The following SCFD2 variants were observed in gnomAD, a reference collection of about 807,000 sequenced individuals.
SCFD2 encodes the protein sec1 family domain-containing protein 2.
In SCFD2, 54 loss-of-function variants were observed where a neutral mutation model predicts 58.9. The ratio of observed to expected loss-of-function variants is 0.92; its 90% CI spans 0.74 to 1.15. The LOEUF (loss-of-function observed/expected upper bound fraction) is 1.15. Among genes scored for constraint, SCFD2 ranks in the 50% most tolerant of loss-of-function variants. The pLI is 0.00. For missense variants in SCFD2, 805 were observed against 836.6 expected (o/e 0.96, Z 0.47); for synonymous variants, 321 against 335.9 (o/e 0.96, Z 0.49).
At chr4:52,988,567 C>T (rs1721550333) in intron 5 of SCFD2, among the ~76,000 whole-genome samples, 1 of 152,152 alleles carries the variant, frequency 6.6e-6, no homozygotes, top group African/African-American at 2.4e-5. Context: ...AGGCTTCAAC[C>T]TTCGAGACTC....
At position 52,873,152 on chromosome 4, in the gene SCFD2, C is replaced by G. The variant is rs913126662; in HGVS notation, c.*817G>C. The G allele has an allele frequency of 6.6e-6, 1 of 152,148 alleles. No individual in the cohort carries two copies. The highest frequency in any genetic ancestry group is 1.5e-5 in the Non-Finnish European group (1 of 68,020). 9.4% of individuals were successfully genotyped at this position (152,148 alleles called of 1,614,324 possible). On this transcript the variant is annotated 3_prime_UTR_variant, in exon 9 of 9. Coordinates refer to ENST00000401642, the MANE Select transcript of SCFD2 (RefSeq NM_152540.4). ...TGGTCAGATGGAAAACTTAAACTTA[C>G]AGAAAAGAAAGCTTTATATTTCAAT...
At chr4:53,311,020 A>G (rs367581949) in intron 3 of SCFD2, among the ~76,000 whole-genome samples, 8 of 152,360 alleles carry the variant, frequency 5.3e-5, no homozygotes, top group African/African-American at 1.9e-4. Flanking sequence ...TAAATGCTAT[A>G]TGATAAGCTA....
At chr4:53,181,166 A>G (rs1394054761) in intron 4 of SCFD2, among the ~76,000 whole-genome samples, 3 of 152,208 alleles carry the variant, frequency 2.0e-5, no homozygotes, top group Non-Finnish European at 2.9e-5. Context: ...TGAGGCCAGC[A>G]TCATCCTGAT....
At chr4:53,179,332 T>G (rs1279240466) in intron 4 of SCFD2, among the ~76,000 whole-genome samples, 1 of 151,870 alleles carries the variant, frequency 6.6e-6, no homozygotes, top group Non-Finnish European at 1.5e-5. Context: ...CAGAAGAGAG[T>G]GGGGACCAAT....
At chr4:52,971,684 T>G (rs954075907) in intron 5 of SCFD2, among the ~76,000 whole-genome samples, 1 of 152,108 alleles carries the variant, frequency 6.6e-6, no homozygotes, top group Admixed American at 6.5e-5. Flanking sequence ...AGATACTCCT[T>G]GAGAAGAGCA....
chr4:53,194,545 T>C (rs1008782462), intron 4 of SCFD2, among the ~76,000 whole-genome samples: 7 of 152,192 alleles, frequency 4.6e-5, no homozygotes, highest in Non-Finnish European at 1.0e-4. Context: ...CTTAAAGAAC[T>C]AAGTTTTACT....
intron 6 of SCFD2, among the ~76,000 whole-genome samples, chr4:52,910,335 G>T (rs534422873): frequency 2.4e-4 from 36 of 152,366 alleles, no homozygotes; most frequent in African/African-American, 7.2e-4. Context: ...ATTCCTTAGA[G>T]ATGGTGAAGC....
At chr4:53,132,659 G>A (rs1468801242) in intron 5 of SCFD2, among the ~76,000 whole-genome samples, 2 of 152,186 alleles carry the variant, frequency 1.3e-5, no homozygotes, top group Non-Finnish European at 2.9e-5. Flanking sequence ...TGAGTGGGTG[G>A]ATTTGACAGT....
chr4:53,303,292 G>A lies in SCFD2; in HGVS notation c.1135+10344C>T, dbSNP rs190807045. On this transcript the variant is annotated intron_variant, in intron 3 of 8. Coordinates refer to ENST00000401642, the MANE Select transcript of SCFD2 (RefSeq NM_152540.4). ...CAAACCCATCGAAAAGTGGGCGAAG[G>A]ATATGAACAGACACTTCTCAAAAGA... Among the ~76,000 whole-genome samples the A allele has an allele frequency of 3.0e-3, 451 of 152,144 alleles. 4 individuals carry two copies. Among genetic ancestry groups the A allele is most frequent in the Middle Eastern group, 3.4e-3 (1 of 294 alleles).
intron 5 of SCFD2, among the ~76,000 whole-genome samples, chr4:53,095,256 T>C (rs1453316733): frequency 1.3e-5 from 2 of 152,110 alleles, no homozygotes; most frequent in African/African-American, 2.4e-5. Flanking sequence ...TGAACTTATG[T>C]TCTTCCCTTA....
intron 5 of SCFD2, among the ~76,000 whole-genome samples, chr4:52,955,658 C>A (rs2109535102): frequency 6.6e-6 from 1 of 152,306 alleles, no homozygotes; most frequent in Non-Finnish European, 1.5e-5. Context: ...TTAAATACCT[C>A]TGAAAATTGG....
chr4:53,079,533 A>AT (rs538150583), intron 5 of SCFD2, among the ~76,000 whole-genome samples: 1 of 151,960 alleles, frequency 6.6e-6, no homozygotes, highest in African/African-American at 2.4e-5. Context: ...GGATCCAAAA[A>AT]TTTTTTTTAT....
chr4:52,970,014 T>C (rs1370135102), intron 5 of SCFD2, among the ~76,000 whole-genome samples: 1 of 151,668 alleles, frequency 6.6e-6, no homozygotes, highest in East Asian at 1.9e-4. Context: ...TCTCAAGGAG[T>C]ATAAAAGAAA....
intron 5 of SCFD2, among the ~76,000 whole-genome samples, chr4:53,010,618 T>A (rs1417310700): frequency 6.6e-6 from 1 of 152,230 alleles, no homozygotes; most frequent in Admixed American, 6.5e-5. Flanking sequence ...TCACAGTAGA[T>A]ACTCAATAAA....
chr4:53,220,766 T>A (rs1433550319), intron 4 of SCFD2, among the ~76,000 whole-genome samples: 4 of 152,340 alleles, frequency 2.6e-5, no homozygotes, highest in South Asian at 4.1e-4. Flanking sequence ...CATCCAGTTA[T>A]CACTGATTCT....
intron 4 of SCFD2, among the ~76,000 whole-genome samples, chr4:53,228,310 T>C (rs1180216336): frequency 1.3e-5 from 2 of 152,116 alleles, no homozygotes; most frequent in Non-Finnish European, 2.9e-5. Flanking sequence ...ACAAAAGTGA[T>C]AAGGGTTTCT....
chr4:53,311,209 G>T (rs6554089), intron 3 of SCFD2, among the ~76,000 whole-genome samples: 109,725 of 152,014 alleles, frequency 0.72, 39,813 homozygotes, highest in Middle Eastern at 0.8. Context: ...AAAGAGTAGT[G>T]GGCACATGGT....
chr4:53,234,286 GC>G (rs1364738208), intron 4 of SCFD2, among the ~76,000 whole-genome samples: 1 of 152,194 alleles, frequency 6.6e-6, no homozygotes, highest in Non-Finnish European at 1.5e-5. Context: ...AGGCTTTTCA[GC>G]TTTTCCCCTC....
intron 4 of SCFD2, among the ~76,000 whole-genome samples, chr4:53,165,553 C>T (rs1016569381): frequency 2.0e-5 from 3 of 152,180 alleles, no homozygotes; most frequent in Non-Finnish European, 4.4e-5. Flanking sequence ...ACCACTCCTG[C>T]TCCCACCCTG....
Sources: allele counts gnomAD v4.1 joint callset (sites outside exome capture counted in the v4.1 genomes callset), GRCh38; gene constraint gnomAD v4.1.1; transcripts MANE v1.5; gene names NCBI Gene and HGNC (gene_info 2026-07-23, HGNC 2026-07-21).